TG: variants seen among roughly 807,000 people sequenced by gnomAD.
TG encodes the protein thyroid hormones.
Under a neutral mutation model 324.7 loss-of-function variants are expected in TG, and 270 were observed. The ratio of observed to expected loss-of-function variants is 0.83; its 90% CI spans 0.75 to 0.92. The LOEUF is 0.92. TG is among the 40% of genes least tolerant of loss of function. TG has a pLI of 0.00. For synonymous variants in TG, 1,401 were observed against 1,327.0 expected (o/e 1.06, Z -1.21); for missense variants, 3,591 against 3,456.4 (o/e 1.04, Z -0.98).
intron 43 of TG, among the ~76,000 whole-genome samples, chr8:133,097,313 C>A (rs1848573453): frequency 6.6e-6 from 1 of 152,158 alleles, no homozygotes; most frequent in Non-Finnish European, 1.5e-5. Context: ...GCAATAAAAG[C>A]TCCAGTTTTA....
At position 132,887,220 on chromosome 8, in the gene TG, T is replaced by G; in HGVS notation, c.1848T>G (p.Phe616Leu). Residue 616 changes from phenylalanine (F) to leucine (L), a missense_variant, in exon 9 of 48, where the codon TTT (phenylalanine) becomes TTG (leucine). Physicochemically the swap from Phe to Leu is conservative, Grantham distance 22 (BLOSUM62 0). Transcript: ENST00000220616. ...QTCEQTPERL[F>L]VPSCTTEGSY... ...GTGAGCAGACACCTGAAAGGCTATTTGTCCCATCATGCACGACAGAAGGAA... is the reference window on the plus strand; with the variant it reads ...GTGAGCAGACACCTGAAAGGCTATTGGTCCCATCATGCACGACAGAAGGAA... The G allele has an allele frequency of 6.2e-7, 1 of 1,610,790 alleles. No homozygotes were observed.
At chr8:133,054,541 C>T (rs528122994) in intron 41 of TG, among the ~76,000 whole-genome samples, 1 of 152,290 alleles carries the variant, frequency 6.6e-6, no homozygotes, top group South Asian at 2.1e-4. Context: ...CATTTTAGGG[C>T]CTGCCTTAGT....
intron 45 of TG, among the ~76,000 whole-genome samples, chr8:133,123,544 G>A (rs909215780): frequency 3.9e-5 from 6 of 152,202 alleles, no homozygotes; most frequent in Non-Finnish European, 5.9e-5. Context: ...CTCCCTGCCC[G>A]TCTCTGGTAT....
intron 29 of TG, 96 bp from the exon 30 acceptor site, chr8:132,966,456 GTCTCTCTC>G (rs112044771): frequency 1.7e-6 from 2 of 1,174,316 alleles, no homozygotes; most frequent in Non-Finnish European, 2.5e-6. Context: ...TTCTCTCTCT[GTCTCTCTC>G]TCTGTGTGTG....
intron 20 of TG, among the ~76,000 whole-genome samples, chr8:132,915,972 C>T (rs543880827): frequency 6.6e-6 from 1 of 152,310 alleles, no homozygotes; most frequent in Admixed American, 6.5e-5. Flanking sequence ...TAGTACCTGT[C>T]GCTCACTGAG....
At chr8:133,061,809 G>T (rs1842407041) in intron 41 of TG, among the ~76,000 whole-genome samples, 1 of 152,158 alleles carries the variant, frequency 6.6e-6, no homozygotes, top group South Asian at 2.1e-4. Context: ...GTTCTGGAAA[G>T]AAGTACACTC....
intron 41 of TG, chr8:133,050,724 C>T (rs1224666996): frequency 2.4e-6 from 2 of 841,768 alleles, no homozygotes; most frequent in Non-Finnish European, 4.1e-6. Context: ...TCATGTGGAA[C>T]TAGACCACTC....
chr8:133,122,978 G>A (rs755670046), intron 45 of TG, among the ~76,000 whole-genome samples: 12 of 152,008 alleles, frequency 7.9e-5, no homozygotes, highest in East Asian at 1.9e-4. Context: ...ATTTGAGACC[G>A]GATAACCCTT....
intron 41 of TG, among the ~76,000 whole-genome samples, chr8:133,079,315 C>G (rs145644375): frequency 5.3e-5 from 8 of 152,292 alleles, no homozygotes; most frequent in Middle Eastern, 3.4e-3. Context: ...AGACTAATGA[C>G]CATAGGCAAA....
intron 45 of TG, among the ~76,000 whole-genome samples, chr8:133,117,428 G>C (rs1850787562): frequency 6.6e-6 from 1 of 152,208 alleles, no homozygotes; most frequent in African/African-American, 2.4e-5. Context: ...GGGTATCTGG[G>C]GACTTGGATG....
At chr8:133,109,480 G>A (rs1036114546) in intron 43 of TG, among the ~76,000 whole-genome samples, 7 of 152,194 alleles carry the variant, frequency 4.6e-5, no homozygotes, top group Non-Finnish European at 1.0e-4. Flanking sequence ...CACTCCTCAC[G>A]TGGCCTGGGC....
intron 25 of TG, among the ~76,000 whole-genome samples, chr8:132,938,349 G>A (rs558255448): frequency 6.6e-6 from 1 of 152,206 alleles, no homozygotes; most frequent in South Asian, 2.1e-4. Flanking sequence ...GATGAGTCGT[G>A]GGGTCTCTCA....
chr8:133,041,910 C>T (rs1838328807), intron 41 of TG, among the ~76,000 whole-genome samples: 1 of 151,402 alleles, frequency 6.6e-6, no homozygotes, highest in Non-Finnish European at 1.5e-5. Flanking sequence ...GCCTCAGACT[C>T]CCGAGTAGCT....
At chr8:132,919,809 C>T (rs1029823901) in intron 21 of TG, among the ~76,000 whole-genome samples, 2 of 152,154 alleles carry the variant, frequency 1.3e-5, no homozygotes, top group Non-Finnish European at 2.9e-5. Context: ...CTATTGGGTA[C>T]ACAACATAAT....
chr8:133,128,785 C>T (rs1039879744), intron 45 of TG, among the ~76,000 whole-genome samples: 1 of 152,162 alleles, frequency 6.6e-6, no homozygotes, highest in African/African-American at 2.4e-5. Flanking sequence ...CAGCAGATGA[C>T]AAGTAAAAGC....
intron 17 of TG, among the ~76,000 whole-genome samples, chr8:132,907,984 G>T (rs573722382): frequency 6.6e-6 from 1 of 152,206 alleles, no homozygotes; most frequent in Non-Finnish European, 1.5e-5. Flanking sequence ...GCAGGACTGA[G>T]CTTTCTGTGA....
intron 16 of TG, among the ~76,000 whole-genome samples, chr8:132,905,831 G>A (rs1346390041): frequency 1.3e-5 from 2 of 152,174 alleles, no homozygotes; most frequent in South Asian, 2.1e-4. Context: ...AACCATGACA[G>A]TGGTAGAAAA....
At chr8:132,981,755 C>T (rs1202112317) in intron 34 of TG, among the ~76,000 whole-genome samples, 1 of 152,166 alleles carries the variant, frequency 6.6e-6, no homozygotes, top group Non-Finnish European at 1.5e-5. Flanking sequence ...TGTTACCATG[C>T]CCTCCAGGTA....
intron 40 of TG, among the ~76,000 whole-genome samples, chr8:133,027,998 T>G (rs1011335036): frequency 6.6e-5 from 10 of 152,266 alleles, no homozygotes; most frequent in Non-Finnish European, 1.3e-4. Flanking sequence ...TGATAGCAGC[T>G]GAAGCCCAAT....
Sources: allele counts gnomAD v4.1 joint callset (sites outside exome capture counted in the v4.1 genomes callset), GRCh38; gene constraint gnomAD v4.1.1; transcripts MANE v1.5; gene names NCBI Gene and HGNC (gene_info 2026-07-23, HGNC 2026-07-21).